Variants in TENM3 observed in about 807,000 individuals in gnomAD.
The protein encoded by TENM3 is teneurin-3.
Under a neutral mutation model 255.1 loss-of-function variants are expected in TENM3, and 63 were observed. That is an observed-to-expected ratio of 0.25 (90% confidence interval 0.20 to 0.30). The LOEUF (loss-of-function observed/expected upper bound fraction) is 0.30. TENM3 is among the 10% of genes least tolerant of loss of function. The pLI, the probability that TENM3 is intolerant of heterozygous loss-of-function variation, is 1.00. For synonymous variants in TENM3, 1,306 were observed against 1,322.3 expected, an observed-to-expected ratio of 0.99 and a Z score of 0.27; for missense variants, 2,929 against 3,461.1, an observed-to-expected ratio of 0.85 and a Z score of 3.86.
the TENM3 span, among the ~76,000 whole-genome samples, chr4:181,580,479 C>T: frequency 9.4e-3 from 1,432 of 152,222 alleles, 23 homozygotes; most frequent in African/African-American, 0.033. Context: ...ATTACTGTCT[C>T]GCAGATGATG....
At chr4:182,711,044 A>G (rs545236630) in intron 12 of TENM3, among the ~76,000 whole-genome samples, 2 of 152,296 alleles carry the variant, frequency 1.3e-5, no homozygotes, top group South Asian at 4.1e-4. Flanking sequence ...GCGATAAATC[A>G]TTGTCTATCT....
At chr4:182,007,945 C>T in the TENM3 span, among the ~76,000 whole-genome samples, 1 of 152,128 alleles carries the variant, frequency 6.6e-6, no homozygotes, top group Non-Finnish European at 1.5e-5. Context: ...CCAGCATTTG[C>T]CTGTCTGGAG....
chr4:182,352,465 C>T lies in TENM3; in HGVS notation c.511+5536C>T, dbSNP rs1215916339. 2.0e-5 allele frequency among the ~76,000 whole-genome samples: 3 copies of T among 152,246 alleles called. No homozygotes were observed. In the East Asian group the frequency reaches 5.8e-4, roughly 29 times the overall value. On this transcript the variant is annotated intron_variant, in intron 3 of 27. Transcript: ENST00000511685. ...AACAGGCAATTTAACTGATGCTCAT[C>T]AGTTCACACAATAAAATAAATCATT...
At chr4:181,775,381 A>T in the TENM3 span, among the ~76,000 whole-genome samples, 1 of 151,992 alleles carries the variant, frequency 6.6e-6, no homozygotes, top group South Asian at 2.1e-4. Context: ...TTTGGGGCTG[A>T]GTTTCTTGTA....
the TENM3 span, among the ~76,000 whole-genome samples, chr4:181,464,661 G>T: frequency 6.6e-6 from 1 of 151,200 alleles, no homozygotes; most frequent in African/African-American, 2.4e-5. Flanking sequence ...TTTAAAAATA[G>T]TCCAAGTAGC....
In TENM3 at chr4:182,792,760, A is replaced by G; in HGVS notation, c.6088A>G (p.Met2030Val). 6.2e-6 allele frequency: 10 copies of G among 1,613,992 alleles called. No individual in the cohort carries two copies. Among genetic ancestry groups the G allele is most frequent in the Non-Finnish European group, 8.5e-6 (10 of 1,179,892 alleles). ...TGACAACAGCTTTCGAGTGACCAGC[A>G]TGCAGGGTGTGATCAATGAAACGCC... ...SYDNSFRVTS[M>V]QGVINETPLP... The change falls in exon 26 of 28, where the codon ATG becomes GTG. Residue 2030 changes from methionine (M) to valine (V), a missense_variant. By Grantham distance (21) the Met-to-Val change is conservative (BLOSUM62 1). Around this residue, in one of 6 missense-constraint regions of TENM3, gnomAD observed 303 missense variants for 425.2 expected, o/e 0.71. Transcript: ENST00000511685. This position sits in a 1 kb window ranked among gnomAD's most constrained non-coding sequence, Gnocchi z 6.3.
chr4:182,081,813 T>G, the TENM3 span: 2 of 152,040 alleles, frequency 1.3e-5, no homozygotes, highest in Non-Finnish European at 2.9e-5. Flanking sequence ...AACGCAGAAA[T>G]TCTAGCACTG....
chr4:182,170,915 C>T (rs1208400253), intron 1 of TENM3, among the ~76,000 whole-genome samples: 2 of 151,926 alleles, frequency 1.3e-5, no homozygotes, highest in African/African-American at 4.8e-5. Context: ...CTATCTAATG[C>T]GACTTTTGAT....
At chr4:182,397,981 T>C (rs1406159344) in intron 3 of TENM3, among the ~76,000 whole-genome samples, 2 of 152,218 alleles carry the variant, frequency 1.3e-5, no homozygotes, top group Non-Finnish European at 2.9e-5. Flanking sequence ...TGGCAGGCTT[T>C]AGTTCTCTGT....
At chr4:181,724,234 C>A in the TENM3 span, among the ~76,000 whole-genome samples, 2 of 152,312 alleles carry the variant, frequency 1.3e-5, no homozygotes, top group South Asian at 4.1e-4. Context: ...AGGGATGTTG[C>A]ATCTTCTGTC....
At chr4:181,511,200 C>T in the TENM3 span, among the ~76,000 whole-genome samples, 1 of 152,188 alleles carries the variant, frequency 6.6e-6, no homozygotes, top group Admixed American at 6.5e-5. Context: ...GCTATGGCAC[C>T]AGCTCAGTTT....
intron 3 of TENM3, among the ~76,000 whole-genome samples, chr4:182,464,635 A>G: frequency 6.6e-6 from 1 of 152,230 alleles, no homozygotes; most frequent in East Asian, 1.9e-4. Context: ...TGACAGTAAT[A>G]TGTAGTTCTA....
chr4:182,368,375 G>T (rs1766569883), intron 3 of TENM3, among the ~76,000 whole-genome samples: 2 of 152,188 alleles, frequency 1.3e-5, no homozygotes, highest in Non-Finnish European at 2.9e-5. Context: ...GCTTGTTAAA[G>T]ACACAGCAGA....
At chr4:182,635,175 T>A (rs1751743319) in intron 5 of TENM3, among the ~76,000 whole-genome samples, 1 of 152,220 alleles carries the variant, frequency 6.6e-6, no homozygotes, top group Non-Finnish European at 1.5e-5. Flanking sequence ...TCAGACTATA[T>A]TGTGGTGGTA....
At chr4:182,442,267 C>A (rs1244831021) in intron 3 of TENM3, among the ~76,000 whole-genome samples, 1 of 152,066 alleles carries the variant, frequency 6.6e-6, no homozygotes, top group Admixed American at 6.6e-5. Context: ...TAATTATTAT[C>A]TAAATTTATT....
chr4:182,344,208 T>G (rs1764657717), intron 2 of TENM3, among the ~76,000 whole-genome samples: 1 of 152,172 alleles, frequency 6.6e-6, no homozygotes, highest in African/African-American at 2.4e-5. Context: ...ACAGAGCTAG[T>G]GAGTGGCTTT....
At chr4:181,780,072 T>C in the TENM3 span, among the ~76,000 whole-genome samples, 2 of 152,236 alleles carry the variant, frequency 1.3e-5, no homozygotes, top group South Asian at 4.1e-4. Flanking sequence ...GTCTTTGCTA[T>C]TGGGAATAGT....
the TENM3 span, among the ~76,000 whole-genome samples, chr4:181,959,592 C>G: frequency 6.6e-6 from 1 of 152,192 alleles, no homozygotes; most frequent in Non-Finnish European, 1.5e-5. Flanking sequence ...TAGCAGATCA[C>G]CGGCATGCCG....
At chr4:182,641,919 AT>A (rs1285488581) in intron 5 of TENM3, among the ~76,000 whole-genome samples, 1 of 152,264 alleles carries the variant, frequency 6.6e-6, no homozygotes, top group Non-Finnish European at 1.5e-5. Context: ...AGATAGATCT[AT>A]TGGATTTCAA....
Sources: allele counts gnomAD v4.1 joint callset (sites outside exome capture counted in the v4.1 genomes callset), GRCh38; gene constraint gnomAD v4.1.1; regional missense constraint gnomAD v4.1.1; non-coding constraint Gnocchi (gnomAD v3.1); transcripts MANE v1.5; gene names NCBI Gene and HGNC (gene_info 2026-07-23, HGNC 2026-07-21).